Variants in DGLUCY observed in about 807,000 individuals in gnomAD.
DGLUCY encodes D-glutamate cyclase, mitochondrial.
In DGLUCY, 58 loss-of-function variants were observed where a neutral mutation model predicts 58.5. The ratio of observed to expected loss-of-function variants is 0.99; its 90% CI spans 0.80 to 1.23. The LOEUF is 1.23. Ranked by LOEUF, DGLUCY falls within the 50% of genes most tolerant of loss-of-function variation. The pLI is 0.00. For synonymous variants in DGLUCY, 325 were observed against 314.1 expected (o/e 1.03, Z -0.37); for missense variants, 779 against 784.7 (o/e 0.99, Z 0.09).
intron 11 of DGLUCY, among the ~76,000 whole-genome samples, chr14:91,201,926 G>T (rs1234947399): frequency 2.0e-5 from 3 of 151,882 alleles, no homozygotes; most frequent in Non-Finnish European, 4.4e-5. Context: ...ATGGTGGTGG[G>T]CTCCTGTGAT....
intron 10 of DGLUCY, among the ~76,000 whole-genome samples, chr14:91,199,032 C>T (rs2050392212): frequency 6.6e-6 from 1 of 152,126 alleles, no homozygotes; most frequent in African/African-American, 2.4e-5. Context: ...ATTTTGAGCC[C>T]TTTTCCTTCT....
intron 9 of DGLUCY, among the ~76,000 whole-genome samples, chr14:91,190,113 G>T (rs928902815): frequency 1.4e-5 from 2 of 147,544 alleles, no homozygotes; most frequent in South Asian, 2.2e-4. Flanking sequence ...TCAGCCTCCC[G>T]AGTAGCTGGG....
chr14:91,181,668 CTTTCTTTTT>C (rs900982096), intron 8 of DGLUCY, among the ~76,000 whole-genome samples: 3 of 146,612 alleles, frequency 2.0e-5, no homozygotes, highest in South Asian at 4.3e-4. Context: ...TCTTTCTTTT[CTTTCTTTTT>C]TTTCTTTTTT....
At chr14:91,128,381 G>T (rs564074100) in intron 1 of DGLUCY, among the ~76,000 whole-genome samples, 2 of 151,400 alleles carry the variant, frequency 1.3e-5, no homozygotes, top group South Asian at 4.2e-4. Context: ...TGTAGTCTTA[G>T]CTATTGGAGA....
At chr14:91,085,407 C>G (rs905433268) in intron 1 of DGLUCY, among the ~76,000 whole-genome samples, 1 of 151,978 alleles carries the variant, frequency 6.6e-6, no homozygotes, top group Non-Finnish European at 1.5e-5. Context: ...CTCCATACCC[C>G]CCACATCTTT....
chr14:91,190,842 C>G (rs978984787), intron 9 of DGLUCY, among the ~76,000 whole-genome samples: 1 of 152,108 alleles, frequency 6.6e-6, no homozygotes, highest in Admixed American at 6.6e-5. Context: ...GAGTCAGGGA[C>G]AGCCATGTTC....
chr14:91,062,601 ATATATATAT>A (rs1444685968), intron 1 of DGLUCY, among the ~76,000 whole-genome samples: 3 of 32,488 alleles, frequency 9.2e-5, no homozygotes, highest in Admixed American at 3.7e-4. Flanking sequence ...ATATATATAT[ATATATATAT>A]AAACAATCCT....
chr14:91,135,521 A>G (rs1478721914), intron 1 of DGLUCY, among the ~76,000 whole-genome samples: 1 of 151,970 alleles, frequency 6.6e-6, no homozygotes, highest in African/African-American at 2.4e-5. Flanking sequence ...ATGGTGGCGC[A>G]TGCCTATAAT....
Position 91,167,313 on chromosome 14 carries a change from C to A in DGLUCY, c.192C>A (p.Pro64=). The stretch of plus-strand genomic sequence containing the variant: ...GCCAGGTCAACACTGGTCCTCTACC[C>A]CTGCTGGGCCAGAGTGAGCCAGAAA... ...RFCQVNTGPL[P]LLGQSEPEKW... The change falls in exon 4 of 14, where the codon CCC becomes CCA. Residue 64 remains proline, a synonymous_variant. Coordinates refer to ENST00000256324, the MANE Select transcript of DGLUCY (RefSeq NM_001102368.3). 6.2e-7 allele frequency: 1 copy of A among 1,613,982 alleles called. No individual in the cohort carries two copies. Among genetic ancestry groups the A allele is most frequent in the Non-Finnish European group, 8.5e-7 (1 of 1,179,960 alleles).
intron 9 of DGLUCY, among the ~76,000 whole-genome samples, chr14:91,195,098 A>T (rs1233586327): frequency 6.6e-6 from 1 of 152,098 alleles, no homozygotes; most frequent in East Asian, 1.9e-4. Context: ...GAGCTGGCTG[A>T]AGCTCCTCCA....
chr14:91,136,675 TC>T (rs1192944823), intron 1 of DGLUCY, among the ~76,000 whole-genome samples: 1 of 144,434 alleles, frequency 6.9e-6, no homozygotes, highest in Non-Finnish European at 1.5e-5. Flanking sequence ...AGAGCAAGAC[TC>T]TGTCTCAAAA....
At chr14:91,098,661 C>T (rs1292690999) in intron 1 of DGLUCY, among the ~76,000 whole-genome samples, 1 of 152,280 alleles carries the variant, frequency 6.6e-6, no homozygotes, top group South Asian at 2.1e-4. Flanking sequence ...TGAGTACCTG[C>T]CTCATCCTGA....
chr14:91,169,955 C>T (rs1233555999), intron 4 of DGLUCY, 48 bp from the exon 5 acceptor site: 2 of 1,561,278 alleles, frequency 1.3e-6, no homozygotes, highest in African/African-American at 2.7e-5. Context: ...TTATCAGGGG[C>T]CACAGTGAGA....
At chr14:91,143,693 CA>C (rs144882216) in intron 1 of DGLUCY, among the ~76,000 whole-genome samples, 149 of 152,144 alleles carry the variant, frequency 9.8e-4, no homozygotes, top group African/African-American at 3.5e-3. Flanking sequence ...AATGGGGGGA[CA>C]ATATACCTGT....
At chr14:91,067,202 G>T (rs2043838336) in intron 1 of DGLUCY, among the ~76,000 whole-genome samples, 1 of 151,904 alleles carries the variant, frequency 6.6e-6, no homozygotes, top group Non-Finnish European at 1.5e-5. Context: ...CCAAACCCAG[G>T]CTTGCTTCTT....
At chr14:91,215,662 C>G (rs1318789769) in intron 13 of DGLUCY, 106 bp downstream of exon 13, 1 of 1,595,950 alleles carries the variant, frequency 6.3e-7, no homozygotes, top group African/African-American at 1.3e-5. Context: ...CCTGCTGCCC[C>G]TCAAAAGCCA....
rs199585110 is a variant in DGLUCY at position 91,060,900 on chromosome 14, C to A, written c.-82+196C>A. 126 of 153,634 alleles carry A rather than the reference C, an allele frequency of 8.2e-4. 2 individuals are homozygous for A. In the East Asian group the frequency reaches 0.021, roughly 26 times the overall value. The allele number at this position is 153,634 out of a possible 1,614,324, so 9.5% of individuals were successfully genotyped here. A position where few individuals can be genotyped will look rare whatever the true frequency, so the allele number is the denominator to read the frequency against. On this transcript the variant is annotated intron_variant, in intron 1 of 4. Transcript: ENST00000521334. ...CGATTGGTGAGACCCAAAGCTCTGC[C>A]CCGCCCATTTCCTCTGGTGCGCACT...
chr14:91,160,130 C>T (rs2047893993), intron 2 of DGLUCY, 136 bp from the exon 3 acceptor site: 2 of 656,974 alleles, frequency 3.0e-6, no homozygotes, highest in Non-Finnish European at 5.4e-6. Context: ...CAAACAATGC[C>T]CACCACAAGG....
chr14:91,097,525 C>G (rs2044415453), intron 1 of DGLUCY, among the ~76,000 whole-genome samples: 1 of 152,114 alleles, frequency 6.6e-6, no homozygotes. Context: ...AGAAATAAAT[C>G]TCAATAAAGC....
Sources: gnomAD v4.1 joint callset for allele counts (sites outside exome capture counted in the v4.1 genomes callset) on GRCh38, gnomAD v4.1.1 for gene constraint, MANE v1.5 for transcripts, NCBI Gene and HGNC (gene_info 2026-07-23, HGNC 2026-07-21) for gene names.